Variants in ZNF385D observed in about 807,000 individuals in gnomAD.
ZNF385D encodes the protein zinc finger protein 659.
A neutral mutation model predicts 35.8 loss-of-function variants in ZNF385D; 15 were observed. That is an observed-to-expected ratio of 0.42 (90% CI 0.28 to 0.64). ZNF385D has a LOEUF of 0.64. Ranked by LOEUF, ZNF385D falls within the 30% of genes least tolerant of loss-of-function variation. The probability of loss-of-function intolerance (pLI) is 0.23; values close to 1 mark genes in which losing one functional copy is unlikely to be tolerated. For synonymous variants in ZNF385D, 212 were observed against 186.8 expected (o/e 1.13, Z -1.10); for missense variants, 474 against 494.6 (o/e 0.96, Z 0.39).
chr3:21,962,636 G>C (rs1279909740), intron 3 of ZNF385D, among the ~76,000 whole-genome samples: 1 of 152,214 alleles, frequency 6.6e-6, no homozygotes, highest in Non-Finnish European at 1.5e-5. Flanking sequence ...GAAGGGAAAT[G>C]TGGTCAATAT....
chr3:21,879,423 G>A (rs1039705743), intron 3 of ZNF385D, among the ~76,000 whole-genome samples: 2 of 151,890 alleles, frequency 1.3e-5, no homozygotes, highest in African/African-American at 4.8e-5. Flanking sequence ...TAGTTGTTTA[G>A]CATTAAGAAC....
intron 3 of ZNF385D, among the ~76,000 whole-genome samples, chr3:21,975,419 G>T (rs1053746895): frequency 1.3e-5 from 2 of 151,994 alleles, no homozygotes; most frequent in African/African-American, 4.8e-5. Flanking sequence ...AGGGTAGTGA[G>T]GATGGGAATA....
intron 2 of ZNF385D, among the ~76,000 whole-genome samples, chr3:21,575,184 C>G (rs1171462951): frequency 1.3e-5 from 2 of 152,026 alleles, no homozygotes; most frequent in African/African-American, 4.8e-5. Context: ...AGTGATGTAG[C>G]CTTTATTCTA....
intron 2 of ZNF385D, among the ~76,000 whole-genome samples, chr3:22,300,967 CA>C (rs894607142): frequency 1.3e-5 from 2 of 151,988 alleles, no homozygotes; most frequent in Non-Finnish European, 2.9e-5. Flanking sequence ...ATCAGTTTGT[CA>C]AAGAGACATC....
intron 2 of ZNF385D, among the ~76,000 whole-genome samples, chr3:22,255,338 T>A (rs536478164): frequency 6.6e-6 from 1 of 151,770 alleles, no homozygotes; most frequent in South Asian, 2.1e-4. Flanking sequence ...TTATTTAATG[T>A]GGAAATAATG....
chr3:22,318,866 GA>G (rs1283637334), intron 2 of ZNF385D, among the ~76,000 whole-genome samples: 1 of 152,118 alleles, frequency 6.6e-6, no homozygotes, highest in Non-Finnish European at 1.5e-5. Context: ...AATTTCATTG[GA>G]AATCGGAAAA....
chr3:21,939,942 G>C (rs974875893), intron 3 of ZNF385D, among the ~76,000 whole-genome samples: 13 of 152,180 alleles, frequency 8.5e-5, no homozygotes, highest in African/African-American at 3.1e-4. Context: ...GAATGGAAGA[G>C]TATTAAGTTG....
chr3:22,219,516 T>C (rs548641582), intron 2 of ZNF385D, among the ~76,000 whole-genome samples: 2 of 152,158 alleles, frequency 1.3e-5, no homozygotes, highest in Non-Finnish European at 2.9e-5. Flanking sequence ...TTTTATCTTT[T>C]AAGAGACTGT....
rs1036464757 is a variant in ZNF385D at position 21,413,850 on chromosome 3, A to G, written c.*7364T>C. 1.3e-5 allele frequency: 2 copies of G among 152,142 alleles called. No individual in the cohort carries two copies. The highest frequency in any genetic ancestry group is 4.8e-5 in the African/African-American group (2 of 41,444). The allele number at this position is 152,142 out of a possible 1,614,324, so 9.4% of individuals were successfully genotyped here. A position where few individuals can be genotyped will look rare whatever the true frequency, so the allele number is the denominator to read the frequency against. On this transcript the variant is annotated 3_prime_UTR_variant, in exon 8 of 8. Coordinates refer to ENST00000281523, the MANE Select transcript of ZNF385D (RefSeq NM_024697.3). Reference sequence around the variant, plus strand: ...AATGCATGTGGATTAAAATATTTTTAGATCTCAAAACTAAAGTTCAAATTG... The same window carrying G: ...AATGCATGTGGATTAAAATATTTTTGGATCTCAAAACTAAAGTTCAAATTG...
At chr3:22,043,419 G>A (rs1459714051) in intron 3 of ZNF385D, among the ~76,000 whole-genome samples, 1 of 152,116 alleles carries the variant, frequency 6.6e-6, no homozygotes, top group African/African-American at 2.4e-5. Context: ...GATACAAACT[G>A]AGTTGCATTT....
intron 1 of ZNF385D, among the ~76,000 whole-genome samples, chr3:21,725,506 A>G (rs1356448476): frequency 6.6e-6 from 1 of 152,106 alleles, no homozygotes; most frequent in African/African-American, 2.4e-5. Context: ...GGGATATCAC[A>G]ACTGATCCCA....
At chr3:22,250,147 A>T (rs950022768) in intron 2 of ZNF385D, among the ~76,000 whole-genome samples, 2 of 152,132 alleles carry the variant, frequency 1.3e-5, no homozygotes, top group East Asian at 3.9e-4. Context: ...ATCTTCCCCC[A>T]ATTTTATTTA....
intron 3 of ZNF385D, among the ~76,000 whole-genome samples, chr3:21,856,559 C>T (rs544026799): frequency 1.8e-4 from 27 of 152,020 alleles, no homozygotes; most frequent in Admixed American, 1.6e-3. Flanking sequence ...AATTTTCCCC[C>T]TTATTTTCTT....
chr3:21,517,352 C>T lies in ZNF385D; in HGVS notation c.277-6329G>A, dbSNP rs139635185. On this transcript the variant is annotated intron_variant, in intron 3 of 7. Coordinates refer to ENST00000281523, the MANE Select transcript of ZNF385D (RefSeq NM_024697.3). ...AAGGGTCGTAGAAACAGAAAAGAAACTGACCAGGGCTAAGATGCCTGCAGA... is the reference window on the plus strand; with the variant it reads ...AAGGGTCGTAGAAACAGAAAAGAAATTGACCAGGGCTAAGATGCCTGCAGA... Among the ~76,000 whole-genome samples, 239 of 152,194 alleles carry T rather than the reference C, an allele frequency of 1.6e-3. 1 individual carries two copies. Among genetic ancestry groups the T allele is most frequent in the South Asian group, 5.0e-3 (24 of 4,818 alleles).
At chr3:22,287,121 T>C (rs2125390771) in intron 2 of ZNF385D, among the ~76,000 whole-genome samples, 1 of 152,212 alleles carries the variant, frequency 6.6e-6, no homozygotes, top group East Asian at 1.9e-4. Context: ...TTTATTATTA[T>C]ATAATGGCCT....
At chr3:21,734,978 A>C (rs956592842) in intron 1 of ZNF385D, among the ~76,000 whole-genome samples, 2 of 152,176 alleles carry the variant, frequency 1.3e-5, no homozygotes, top group Non-Finnish European at 2.9e-5. Context: ...TGTGGGCTGC[A>C]GTGATTTATT....
chr3:22,031,905 G>A (rs1576190286), intron 3 of ZNF385D, among the ~76,000 whole-genome samples: 1 of 152,080 alleles, frequency 6.6e-6, no homozygotes, highest in South Asian at 2.1e-4. Context: ...AATCAGCTAG[G>A]CCATATCTTG....
rs182075310 is a variant in ZNF385D at position 21,943,185 on chromosome 3, T to C, written c.325+225632A>G. Among the ~76,000 whole-genome samples, 128 of 152,156 alleles carry C rather than the reference T, an allele frequency of 8.4e-4. 1 individual carries two copies. In the Middle Eastern group the frequency reaches 0.01, roughly 12 times the overall value. The stretch of plus-strand genomic sequence containing the variant: ...TCACATTTTGGTACTGTCTAGCTTA[T>C]AGTGAAAAAAGGCATCTTGAAGAAA... On this transcript the variant is annotated intron_variant, in intron 3 of 5. Coordinates refer to the ZNF385D transcript ENST00000494108.
At chr3:21,970,959 T>C (rs1363059600) in intron 3 of ZNF385D, among the ~76,000 whole-genome samples, 4 of 152,076 alleles carry the variant, frequency 2.6e-5, no homozygotes, top group African/African-American at 7.2e-5. Flanking sequence ...TAGAGTACTA[T>C]ATCCAGTAAA....
Sources: allele counts gnomAD v4.1 joint callset (sites outside exome capture counted in the v4.1 genomes callset), GRCh38; gene constraint gnomAD v4.1.1; transcripts MANE v1.5; gene names NCBI Gene and HGNC (gene_info 2026-07-23, HGNC 2026-07-21).